KCNQ5: variants seen among roughly 807,000 people sequenced by gnomAD.
The protein encoded by KCNQ5 is potassium voltage-gated channel subfamily KQT member 5.
In KCNQ5, 30 loss-of-function variants were observed where a neutral mutation model predicts 98.2. The observed-to-expected ratio is 0.31, with a 90% confidence interval of 0.23 to 0.41. KCNQ5 has a LOEUF of 0.41. Ranked by LOEUF, KCNQ5 falls within the 10% of genes least tolerant of loss-of-function variation. KCNQ5 has a pLI of 1.00. For synonymous variants in KCNQ5, 458 were observed against 449.4 expected (o/e 1.02, Z -0.24); for missense variants, 835 against 1,182.5 (o/e 0.71, Z 4.31).
chr6:72,813,432 T>G (rs991747291), intron 1 of KCNQ5, among the ~76,000 whole-genome samples: 3 of 152,220 alleles, frequency 2.0e-5, no homozygotes, highest in Non-Finnish European at 4.4e-5. Flanking sequence ...TTTACAAAGC[T>G]TTCCATCAGT....
intron 1 of KCNQ5, among the ~76,000 whole-genome samples, chr6:72,782,311 T>G (rs1348884835): frequency 6.6e-6 from 1 of 152,098 alleles, no homozygotes; most frequent in Admixed American, 6.5e-5. Context: ...GAGAAAGACA[T>G]GATGACTTGA....
At chr6:72,707,454 A>G (rs1486137528) in intron 1 of KCNQ5, among the ~76,000 whole-genome samples, 3 of 152,170 alleles carry the variant, frequency 2.0e-5, no homozygotes, top group Non-Finnish European at 4.4e-5. Context: ...ACGTTGTTAT[A>G]CTTTATATCT....
chr6:73,084,545 T>C (rs1562168542), intron 5 of KCNQ5, among the ~76,000 whole-genome samples: 2 of 152,160 alleles, frequency 1.3e-5, no homozygotes, highest in Non-Finnish European at 2.9e-5. Context: ...TGAGATACAA[T>C]TGAATAAGTC....
At chr6:72,947,050 T>A (rs1766580027) in intron 1 of KCNQ5, among the ~76,000 whole-genome samples, 1 of 152,162 alleles carries the variant, frequency 6.6e-6, no homozygotes, top group South Asian at 2.1e-4. Context: ...TATCCCTAGA[T>A]GACTAACATC....
At chr6:72,933,329 G>C in intron 1 of KCNQ5, among the ~76,000 whole-genome samples, 1 of 152,178 alleles carries the variant, frequency 6.6e-6, no homozygotes, top group East Asian at 1.9e-4. Flanking sequence ...TTATCTCTCT[G>C]CATCTGATTA....
At position 73,150,830 on chromosome 6, in the gene KCNQ5, A is replaced by ATGTGTG. The variant is rs199982654; in HGVS notation, c.1468+17190_1468+17191insGTGTGT. Among the ~76,000 whole-genome samples, 724 of 72,792 alleles carry ATGTGTG rather than the reference A, an allele frequency of 9.9e-3. 9 individuals are homozygous for ATGTGTG. Among genetic ancestry groups the ATGTGTG allele is most frequent in the South Asian group, 0.043 (63 of 1,478 alleles). 47.8% of individuals were successfully genotyped at this position (72,792 alleles called of 152,430 possible). A position where few individuals can be genotyped will look rare whatever the true frequency, so the allele number is the denominator to read the frequency against. ...TGTAGTGTGGGAAGTGTATATATAT[A>ATGTGTG]TATGTGTGTGTGTGTGTGTGTATAT... On this transcript the variant is annotated intron_variant, in intron 10 of 13. Coordinates refer to ENST00000370398, the MANE Select transcript of KCNQ5 (RefSeq NM_019842.4).
intron 3 of KCNQ5, among the ~76,000 whole-genome samples, chr6:73,073,174 T>C (rs1773371523): frequency 1.3e-5 from 2 of 152,136 alleles, no homozygotes; most frequent in African/African-American, 4.8e-5. Context: ...ATACCATAAT[T>C]CTTAAGGACA....
chr6:73,131,919 T>A (rs1187025355), intron 9 of KCNQ5, among the ~76,000 whole-genome samples: 2 of 152,348 alleles, frequency 1.3e-5, no homozygotes, highest in East Asian at 3.9e-4. Context: ...TGTCTGCATT[T>A]CAGAGGGGAG....
At chr6:72,885,650 A>T (rs1029540610) in intron 1 of KCNQ5, among the ~76,000 whole-genome samples, 6 of 152,190 alleles carry the variant, frequency 3.9e-5, no homozygotes, top group Non-Finnish European at 7.3e-5. Context: ...TAAAGGCCTG[A>T]ATTAAAGAGC....
intron 9 of KCNQ5, among the ~76,000 whole-genome samples, chr6:73,132,883 T>C (rs1399718650): frequency 6.6e-6 from 1 of 152,220 alleles, no homozygotes; most frequent in Non-Finnish European, 1.5e-5. Flanking sequence ...TGTTTAATAT[T>C]ATGTATGTGG....
At chr6:72,869,704 A>C (rs951228536) in intron 1 of KCNQ5, among the ~76,000 whole-genome samples, 2 of 150,716 alleles carry the variant, frequency 1.3e-5, no homozygotes, top group Non-Finnish European at 3.0e-5. Flanking sequence ...TTTTAATGAC[A>C]AAAAAAAATG....
chr6:72,979,415 T>C (rs972401441), intron 1 of KCNQ5, among the ~76,000 whole-genome samples: 1 of 152,192 alleles, frequency 6.6e-6, no homozygotes, highest in Non-Finnish European at 1.5e-5. Flanking sequence ...TTGCATTTCT[T>C]TGATGACCAG....
intron 1 of KCNQ5, among the ~76,000 whole-genome samples, chr6:72,720,232 C>CT (rs1402102157): frequency 6.6e-6 from 1 of 152,216 alleles, no homozygotes; most frequent in Non-Finnish European, 1.5e-5. Flanking sequence ...TCCACTTAAC[C>CT]TTCTGGCAAG....
At chr6:73,193,452 CCT>C (rs1183681005) in intron 13 of KCNQ5, among the ~76,000 whole-genome samples, 5 of 93,768 alleles carry the variant, frequency 5.3e-5, no homozygotes, top group Non-Finnish European at 1.2e-4. Flanking sequence ...ATGGTGAAAC[CCT>C]GTCTCTACTA....
chr6:72,805,641 C>G (rs1260822746), intron 1 of KCNQ5, among the ~76,000 whole-genome samples: 1 of 152,018 alleles, frequency 6.6e-6, no homozygotes, highest in Non-Finnish European at 1.5e-5. Context: ...AGAATAACTT[C>G]AGCTATTCTG....
rs9442896 is a variant in KCNQ5 at position 73,151,906 on chromosome 6, G to T, written c.1469-17840G>T. Among the ~76,000 whole-genome samples the T allele has an allele frequency of 7.8e-3, 1,191 of 152,182 alleles. 16 individuals are homozygous for T. Among genetic ancestry groups the T allele is most frequent in the African/African-American group, 0.027 (1,128 of 41,520 alleles). On this transcript the variant is annotated intron_variant, in intron 10 of 13. Transcript: ENST00000370398. ...ACATGATGACAGAAGGCATGATGAT[G>T]ACAGCTGTCAATGTGTCTGTCCCTC... is the stretch of plus-strand genomic sequence containing the variant.
In KCNQ5 at chr6:73,169,824, C is replaced by T. The variant is rs199570008; in HGVS notation, c.1547C>T (p.Pro516Leu). 1.9e-6 allele frequency: 3 copies of T among 1,612,682 alleles called. No individual in the cohort carries two copies. In the Admixed American group the frequency reaches 5.0e-5, roughly 27 times the overall value. ...GATGTATCAGTGGAAGACCTCACCC[C>T]ACCACTTAAAACTGTCATTCGAGCT... is the stretch of plus-strand genomic sequence containing the variant. The part of the protein sequence containing the change: ...QCDVSVEDLT[P>L]PLKTVIRAIR... The change falls in exon 11 of 14, where the codon CCA (proline) becomes CTA (leucine). Residue 516 changes from proline (P) to leucine (L), a missense_variant. By Grantham distance (98) the Pro-to-Leu change is moderately conservative (BLOSUM62 -3). This residue lies in a region of KCNQ5 where 146 missense variants were observed against 256.7 expected (regional missense o/e 0.57). Coordinates refer to ENST00000370398, the MANE Select transcript of KCNQ5 (RefSeq NM_019842.4).
chr6:72,818,985 G>C (rs1033502288), intron 1 of KCNQ5, among the ~76,000 whole-genome samples: 13 of 151,806 alleles, frequency 8.6e-5, no homozygotes, highest in Non-Finnish European at 1.3e-4. Flanking sequence ...TAATGACTGC[G>C]TGCATTCATT....
At chr6:72,719,217 A>G (rs1005857221) in intron 1 of KCNQ5, among the ~76,000 whole-genome samples, 1 of 152,208 alleles carries the variant, frequency 6.6e-6, no homozygotes, top group Non-Finnish European at 1.5e-5. Context: ...ATGGAAAAGT[A>G]TTCTGTCTTC....
Sources: gnomAD v4.1 joint callset for allele counts (sites outside exome capture counted in the v4.1 genomes callset) on GRCh38, gnomAD v4.1.1 for gene constraint, gnomAD v4.1.1 regional missense constraint, MANE v1.5 for transcripts, NCBI Gene and HGNC (gene_info 2026-07-23, HGNC 2026-07-21) for gene names.